Variants in PRR32 observed in about 807,000 individuals in gnomAD.
The protein encoded by PRR32 is proline-rich protein 32.
In PRR32, 2 loss-of-function variants were observed where a neutral mutation model predicts 1.3. That is an observed-to-expected ratio of 1.49 (90% CI 0.61 to 4.68). The LOEUF is 4.68. Among genes scored for constraint, PRR32 ranks in the 30% most tolerant of loss-of-function variants. The pLI is 0.06. For missense variants in PRR32, 241 were observed against 232.5 expected (o/e 1.04, Z -0.24); for synonymous variants, 107 against 88.7 (o/e 1.21, Z -1.16).
In PRR32 at chrX:126,821,067, C is replaced by A; in HGVS notation, c.429C>A (p.Gly143=). Residue 143 remains glycine (G), a synonymous_variant, in exon 2 of 2, where the codon GGC becomes GGA. Coordinates refer to ENST00000371125, the MANE Select transcript of PRR32 (RefSeq NM_001122716.2). ...SGGPPALIVG[G]TKVNNGGTER... ...GCCCTCCTGCACTGATAGTAGGGGGCACAAAGGTCAACAATGGGGGCACTG... is the reference window on the plus strand; with the variant it reads ...GCCCTCCTGCACTGATAGTAGGGGGAACAAAGGTCAACAATGGGGGCACTG... 8.6e-7 allele frequency: 1 copy of A among 1,167,068 alleles called. No homozygotes were observed.
intron 1 of PRR32, among the ~76,000 whole-genome samples, chrX:126,820,169 G>A (rs1930532404): frequency 9.0e-6 from 1 of 111,620 alleles, no homozygotes; most frequent in South Asian, 3.7e-4. Flanking sequence ...AATTTGGTGT[G>A]AGTGTTGAAT....
Position 126,819,774 on chromosome X carries a change from C to T in PRR32, c.-70C>T, listed in dbSNP as rs1389310934. The T allele has an allele frequency of 5.8e-6, 6 of 1,042,237 alleles. No individual in the cohort carries two copies. In the South Asian group the frequency reaches 9.3e-5, roughly 16 times the overall value. 85.9% of individuals were successfully genotyped at this position (1,042,237 alleles called of 1,213,427 possible). A position where few individuals can be genotyped will look rare whatever the true frequency, so the allele number is the denominator to read the frequency against. On this transcript the variant is annotated 5_prime_UTR_variant, in exon 1 of 2. Transcript: ENST00000371125. ...AAAGCAGAAGCAGGAGTCATTTCTC[C>T]AGACCTAGCTGGCCTGTTCAGTGGG...
chrX:126,820,554 T>C (rs1930537198), intron 1 of PRR32, 105 bp from the exon 2 acceptor site: 1 of 1,003,429 alleles, frequency 1.0e-6, no homozygotes. Flanking sequence ...GGCACTCCTT[T>C]TTTCCCTGGT....
rs867201251 is a variant in PRR32, at chrX:126,821,207, G to T, written c.569G>T (p.Gly190Val). 3.4e-6 allele frequency: 4 copies of T among 1,167,757 alleles called. No individual in the cohort carries two copies. In the East Asian group the frequency reaches 1.3e-4, roughly 38 times the overall value. ...TCACATATTCCCACCCTTAGATCAG[G>T]GATAGTAATGGAGGTGCCGCCCGGA... ...GPSHIPTLRSGIVMEVPPGNT... is the reference protein window; with the variant it reads ...GPSHIPTLRSVIVMEVPPGNT... The change falls in exon 2 of 2, where the codon GGG becomes GTG. Residue 190 changes from glycine to valine, a missense_variant. Transcript: ENST00000371125.
Position 126,820,644 on chromosome X carries a change from T to G in PRR32, c.21-15T>G, listed in dbSNP as rs951930186. On this transcript the variant is annotated splice_polypyrimidine_tract_variant and intron_variant, in intron 1 of 1. Transcript: ENST00000371125. ...TTTCCATTTTTATTAGCTGTTTGAT[T>G]TCTGTTTTTGCAAGCCTTGGAGGGC... 5 of 1,153,849 alleles carry G rather than the reference T, an allele frequency of 4.3e-6. No individual in the cohort carries two copies. Among genetic ancestry groups the G allele is most frequent in the Middle Eastern group, 4.7e-4 (2 of 4,220 alleles).
Position 126,820,956 on chromosome X carries a change from A to C in PRR32, c.318A>C (p.Thr106=). ...PPAVAEESLA[T]AEVNSSDALA... ...CTGTTGCAGAAGAGTCCCTAGCAACAGCAGAAGTAAACAGCTCTGATGCAC... is the reference window on the plus strand; with the variant it reads ...CTGTTGCAGAAGAGTCCCTAGCAACCGCAGAAGTAAACAGCTCTGATGCAC... Residue 106 remains threonine (T), a synonymous_variant, in exon 2 of 2, where the codon ACA becomes ACC. Coordinates refer to ENST00000371125, the MANE Select transcript of PRR32 (RefSeq NM_001122716.2). 8.6e-7 allele frequency: 1 copy of C among 1,167,023 alleles called. No individual in the cohort carries two copies. Among genetic ancestry groups the C allele is most frequent in the Non-Finnish European group, 1.1e-6 (1 of 872,608 alleles).
In PRR32 at chrX:126,821,338, A is replaced by T. The variant is rs1415372312; in HGVS notation, c.700A>T (p.Ser234Cys). The change falls in exon 2 of 2, where the codon AGT becomes TGT. Residue 234 changes from serine (S) to cysteine (C), a missense_variant. Coordinates refer to ENST00000371125, the MANE Select transcript of PRR32 (RefSeq NM_001122716.2). Reference sequence around the variant, plus strand: ...GCCAAGGCCTATCCCGTTGTCTTCCAGTACTCCAGGTTTACCTTCTTGCTC... The same window carrying T: ...GCCAAGGCCTATCCCGTTGTCTTCCTGTACTCCAGGTTTACCTTCTTGCTC... ...NWPRPIPLSS[S>C]TPGLPSCSTV... is the part of the protein sequence containing the mutation. The T allele has an allele frequency of 1.7e-6, 2 of 1,166,958 alleles. No homozygotes were observed. Among genetic ancestry groups the T allele is most frequent in the Non-Finnish European group, 2.3e-6 (2 of 872,915 alleles).
rs1453884832 is a variant in PRR32, at chrX:126,820,805, G to A, written c.167G>A (p.Arg56Lys). Residue 56 changes from arginine (R) to lysine (K), a missense_variant, in exon 2 of 2, where the codon AGA becomes AAA. Coordinates refer to ENST00000371125, the MANE Select transcript of PRR32 (RefSeq NM_001122716.2). ...EPWGQPQVPLRPSVNVLTDLD... is the reference protein window; with the variant it reads ...EPWGQPQVPLKPSVNVLTDLD... ...TGGGGTCAACCTCAAGTACCGCTGA[G>A]ACCTTCCGTCAATGTGCTGACTGAT... 1.7e-6 allele frequency: 2 copies of A among 1,165,827 alleles called. No individual in the cohort carries two copies. Among genetic ancestry groups the A allele is most frequent in the Non-Finnish European group, 2.3e-6 (2 of 872,701 alleles).
Position 126,820,960 on chromosome X carries a change from G to C in PRR32, c.322G>C (p.Glu108Gln), listed in dbSNP as rs753900612. Residue 108 changes from glutamate (E) to glutamine (Q), a missense_variant, in exon 2 of 2, where the codon GAA becomes CAA. Transcript: ENST00000371125. The part of the protein sequence containing the change: ...AVAEESLATA[E>Q]VNSSDALAGW... ...TGCAGAAGAGTCCCTAGCAACAGCA[G>C]AAGTAAACAGCTCTGATGCACTGGC... 4.6e-5 allele frequency: 54 copies of C among 1,166,907 alleles called. No individual in the cohort carries two copies. In the South Asian group the frequency reaches 1.0e-3, roughly 22 times the overall value.
Position 126,820,989 on chromosome X carries a change from C to G in PRR32, c.351C>G (p.Gly117=), listed in dbSNP as rs1161525496. The change falls in exon 2 of 2, where the codon GGC becomes GGG. Residue 117 remains glycine (G), a synonymous_variant. Transcript: ENST00000371125. ...TAAACAGCTCTGATGCACTGGCAGG[C>G]TGGAGGCAGGAGGGACAGGATGCTA... The part of the protein sequence containing the change: ...AEVNSSDALA[G]WRQEGQDAIN... The G allele has an allele frequency of 8.6e-7, 1 of 1,164,544 alleles. No homozygotes were observed. Among genetic ancestry groups the G allele is most frequent in the Admixed American group, 2.6e-5 (1 of 38,522 alleles).
intron 1 of PRR32, 134 bp downstream of exon 1, chrX:126,819,997 A>G (rs1930529962): frequency 1.7e-6 from 1 of 597,436 alleles, no homozygotes; most frequent in East Asian, 3.9e-5. Flanking sequence ...AACTTGAAGG[A>G]CATAAATTTA....
rs1289565835 is a variant in PRR32, at chrX:126,819,818, G to C, written c.-26G>C. ...CAGTGGGTTATCTCCACCACCTCAG[G>C]AAAGCTATTCTGATCAAATTTCTTC... On this transcript the variant is annotated 5_prime_UTR_variant, in exon 1 of 2. Coordinates refer to ENST00000371125, the MANE Select transcript of PRR32 (RefSeq NM_001122716.2). The C allele has an allele frequency of 8.6e-7, 1 of 1,160,688 alleles. No individual in the cohort carries two copies. Among genetic ancestry groups the C allele is most frequent in the Non-Finnish European group, 1.1e-6 (1 of 869,669 alleles).
chrX:126,819,812 C>A lies in PRR32; in HGVS notation c.-32C>A, dbSNP rs1278056650. ...CCTGTTCAGTGGGTTATCTCCACCA[C>A]CTCAGGAAAGCTATTCTGATCAAAT... On this transcript the variant is annotated 5_prime_UTR_variant, in exon 1 of 2. Transcript: ENST00000371125. 4.0e-5 allele frequency: 46 copies of A among 1,160,228 alleles called. No individual in the cohort carries two copies. The East Asian group carries it at 1.4e-3, about 36-fold the overall frequency.
At position 126,821,321 on chromosome X, in the gene PRR32, C is replaced by G. The variant is rs368701014; in HGVS notation, c.683C>G (p.Pro228Arg). 87 of 1,167,098 alleles carry G rather than the reference C, an allele frequency of 7.5e-5. No homozygotes were observed. The highest frequency in any genetic ancestry group is 6.8e-4 in the African/African-American group (38 of 55,887). ...PCHPMHNWPR[P>R]IPLSSSTPGL... ...CACCCCATGCATAATTGGCCAAGGC[C>G]TATCCCGTTGTCTTCCAGTACTCCA... is the stretch of plus-strand genomic sequence containing the variant. Residue 228 changes from proline (P) to arginine (R), a missense_variant, in exon 2 of 2, where the codon CCT (proline) becomes CGT (arginine). Pro to Arg is a moderately radical substitution (Grantham distance 103). Coordinates refer to ENST00000371125, the MANE Select transcript of PRR32 (RefSeq NM_001122716.2).
Position 126,820,023 on chromosome X carries a change from G to A in PRR32, c.20+160G>A, listed in dbSNP as rs747390975. 9.0e-5 allele frequency among the ~76,000 whole-genome samples: 10 copies of A among 110,629 alleles called. No homozygotes were observed. The East Asian group carries it at 1.8e-3, about 20-fold the overall frequency. On this transcript the variant is annotated intron_variant, in intron 1 of 1. Transcript: ENST00000371125. ...CATAAATTTAGTTACTAAGAATACC[G>A]GATTTAAGAGTGGCAACTTTGAAGT... is the stretch of plus-strand genomic sequence containing the variant.
At position 126,820,895 on chromosome X, in the gene PRR32, T is replaced by C. The variant is rs1930544244; in HGVS notation, c.257T>C (p.Leu86Ser). The change falls in exon 2 of 2, where the codon TTG (leucine) becomes TCG (serine). Residue 86 changes from leucine to serine, a missense_variant. By Grantham distance (145) the Leu-to-Ser change is moderately radical (BLOSUM62 -2). Transcript: ENST00000371125. Reference protein sequence around the residue: ...RTGSCIPLHSLRAHRHPYGPP... With the variant: ...RTGSCIPLHSSRAHRHPYGPP... ...GGATCCTGCATTCCTCTTCATAGCT[T>C]GAGAGCTCATAGACACCCCTACGGG... 1 of 1,167,639 alleles carries C rather than the reference T, an allele frequency of 8.6e-7. No homozygotes were observed.
chrX:126,820,884 T>C lies in PRR32; in HGVS notation c.246T>C (p.Pro82=). ...CTGAAAGAACAGGATCCTGCATTCC[T>C]CTTCATAGCTTGAGAGCTCATAGAC... ...WPSERTGSCI[P]LHSLRAHRHP... The change falls in exon 2 of 2, where the codon CCT becomes CCC. Residue 82 remains proline (P), a synonymous_variant. Coordinates refer to ENST00000371125, the MANE Select transcript of PRR32 (RefSeq NM_001122716.2). The C allele has an allele frequency of 8.6e-7, 1 of 1,167,621 alleles. No individual in the cohort carries two copies. Among genetic ancestry groups the C allele is most frequent in the Non-Finnish European group, 1.1e-6 (1 of 872,928 alleles).
rs1161525496 is a variant in PRR32, at chrX:126,820,989, C to T, written c.351C>T (p.Gly117=). ...AEVNSSDALA[G]WRQEGQDAIN... is the part of the protein sequence containing the mutation. ...TAAACAGCTCTGATGCACTGGCAGG[C>T]TGGAGGCAGGAGGGACAGGATGCTA... Residue 117 remains glycine (G), a synonymous_variant, in exon 2 of 2, where the codon GGC becomes GGT. Transcript: ENST00000371125. 8.6e-7 allele frequency: 1 copy of T among 1,164,544 alleles called. No individual in the cohort carries two copies. Among genetic ancestry groups the T allele is most frequent in the Non-Finnish European group, 1.1e-6 (1 of 871,240 alleles).
rs1396687761 is a variant in PRR32 at position 126,821,721 on chromosome X, C to T, written c.*186C>T. 1.9e-6 allele frequency: 1 copy of T among 513,700 alleles called. No homozygotes were observed. The highest frequency in any genetic ancestry group is 3.1e-6 in the Non-Finnish European group (1 of 324,546). 42.3% of individuals were successfully genotyped at this position (513,700 alleles called of 1,213,427 possible). On this transcript the variant is annotated 3_prime_UTR_variant, in exon 2 of 2. Coordinates refer to ENST00000371125, the MANE Select transcript of PRR32 (RefSeq NM_001122716.2). Reference sequence around the variant, plus strand: ...CCCTATTTGAAACCTTGTACCCTACCACACTCTGTTTAGCACAAATGTGCC... The same window carrying T: ...CCCTATTTGAAACCTTGTACCCTACTACACTCTGTTTAGCACAAATGTGCC...
Sources: gnomAD v4.1 joint callset for allele counts (sites outside exome capture counted in the v4.1 genomes callset) on GRCh38, gnomAD v4.1.1 for gene constraint, MANE v1.5 for transcripts, NCBI Gene and HGNC (gene_info 2026-07-23, HGNC 2026-07-21) for gene names.